The following TBRG4 variants were observed in gnomAD, a reference collection of about 807,000 sequenced individuals.
TBRG4 encodes the protein transforming growth factor beta regulator 4.
Under a neutral mutation model 65.6 loss-of-function variants are expected in TBRG4, and 43 were observed. The ratio of observed to expected loss-of-function variants is 0.66; its 90% CI spans 0.51 to 0.85. The LOEUF is 0.85. TBRG4 is among the 40% of genes least tolerant of loss of function. The pLI, the probability that TBRG4 is intolerant of heterozygous loss-of-function variation, is 0.00. For synonymous variants in TBRG4, 366 were observed against 341.4 expected (o/e 1.07, Z -0.79); for missense variants, 709 against 787.9 (o/e 0.90, Z 1.20).
At chr7:45,105,192 C>A (rs2128645474) in intron 3 of TBRG4, 1 of 613,410 alleles carries the variant, frequency 1.6e-6, no homozygotes, top group Non-Finnish European at 2.9e-6. Flanking sequence ...GATAAAGGTG[C>A]AATCAGGGAA....
In TBRG4 at chr7:45,111,674, C is replaced by G. The variant is rs1453518626; in HGVS notation, c.-82G>C. On this transcript the variant is annotated 5_prime_UTR_variant, in exon 1 of 11. Transcript: ENST00000258770. ...AGCACCACCGCTGACCTCCATCCGC[C>G]GCCCTAACTGTCCCCGGAACCATGA... 2 of 1,289,476 alleles carry G rather than the reference C, an allele frequency of 1.6e-6. No individual in the cohort carries two copies. Among genetic ancestry groups the G allele is most frequent in the Middle Eastern group, 2.1e-4 (1 of 4,696 alleles). 79.9% of individuals were successfully genotyped at this position (1,289,476 alleles called of 1,614,324 possible).
chr7:45,111,444 C>G, intron 1 of TBRG4, 199 bp downstream of exon 1: 3 of 493,246 alleles, frequency 6.1e-6, no homozygotes, highest in Non-Finnish European at 9.4e-6. Flanking sequence ...TCTTCCAGGC[C>G]TGGCCGCGCG....
Position 45,109,257 on chromosome 7 carries a change from A to G in TBRG4, c.-20T>C, listed in dbSNP as rs1412352521. ...TGCCATGATGTCCTGGGTGGCAGAGAGACAAGACTCCTAGCAAGTGATTCC... is the reference window on the plus strand; with the variant it reads ...TGCCATGATGTCCTGGGTGGCAGAGGGACAAGACTCCTAGCAAGTGATTCC... On this transcript the variant is annotated 5_prime_UTR_variant, in exon 2 of 11. Transcript: ENST00000258770. 1.3e-6 allele frequency: 2 copies of G among 1,554,696 alleles called. No homozygotes were observed. Among genetic ancestry groups the G allele is most frequent in the African/African-American group, 2.7e-5 (2 of 72,940 alleles).
At chr7:45,109,434 A>G in intron 1 of TBRG4, 147 bp from the exon 2 acceptor site, 2 of 659,634 alleles carry the variant, frequency 3.0e-6, no homozygotes, top group Non-Finnish European at 4.5e-6. Context: ...AGTATTTTCT[A>G]AAGCAAAAGT....
In TBRG4 at chr7:45,103,402, C is replaced by T. The variant is rs1460579552; in HGVS notation, c.1107G>A (p.Leu369=). 1 of 1,614,014 alleles carries T rather than the reference C, an allele frequency of 6.2e-7. No individual in the cohort carries two copies. The highest frequency in any genetic ancestry group is 1.7e-5 in the Admixed American group (1 of 60,026). ...GCGCAAAAGCCAGAAGTACGCTGCACAGGTGGGGCAGGGTGATGTCCTGCG... is the reference window on the plus strand; with the variant it reads ...GCGCAAAAGCCAGAAGTACGCTGCATAGGTGGGGCAGGGTGATGTCCTGCG... The part of the protein sequence containing the change: ...NRAQDITLPH[L]CSVLLAFARL... The change falls in exon 6 of 11, where the codon CTG becomes CTA. Residue 369 remains leucine, a synonymous_variant. Coordinates refer to ENST00000258770, the MANE Select transcript of TBRG4 (RefSeq NM_004749.4).
intron 3 of TBRG4, chr7:45,105,080 A>C: frequency 1.5e-6 from 1 of 683,770 alleles, no homozygotes; most frequent in East Asian, 3.0e-5. Context: ...TCTCCAGGAG[A>C]GTTCTAGCCA....
Position 45,103,665 on chromosome 7 carries a change from A to T in TBRG4, c.1066-222T>A, listed in dbSNP as rs1280443492. 13 of 568,360 alleles carry T rather than the reference A, an allele frequency of 2.3e-5. No homozygotes were observed. In the East Asian group the frequency reaches 3.7e-4, roughly 16 times the overall value. 35.2% of individuals were successfully genotyped at this position (568,360 alleles called of 1,614,324 possible). ...ACCCACAGAGGCTGGGGACACCTAG[A>T]AGCTGCTTCTTTCTGATAAGGGATT... On this transcript the variant is annotated intron_variant, in intron 5 of 10. Transcript: ENST00000258770.
chr7:45,102,555 G>C, intron 6 of TBRG4, 64 bp from the exon 7 acceptor site: 1 of 1,567,232 alleles, frequency 6.4e-7, no homozygotes, highest in Non-Finnish European at 8.6e-7. Context: ...ATAGCCATGG[G>C]TGAGACACAA....
At position 45,100,235 on chromosome 7, in the gene TBRG4, AC is replaced by A; in HGVS notation, c.*89del. The A allele has an allele frequency of 9.3e-7, 1 of 1,079,722 alleles. No homozygotes were observed. The highest frequency in any genetic ancestry group is 1.3e-6 in the Non-Finnish European group (1 of 741,178). 66.9% of individuals were successfully genotyped at this position (1,079,722 alleles called of 1,614,324 possible). On this transcript the variant is annotated 3_prime_UTR_variant, in exon 11 of 11. Transcript: ENST00000258770. ...CTCCCCACTCTGGCCAAGGTCCTGC[AC>A]AGAGGTTTGTCCTCAAGGGTGACCC...
In TBRG4 at chr7:45,100,205, C is replaced by T; in HGVS notation, c.*120G>A. ...ACGTTCTGTCCCTCAGAGTGGCTGG[C>T]CACCCTCCCCACTCTGGCCAAGGTC... On this transcript the variant is annotated 3_prime_UTR_variant, in exon 11 of 11. Coordinates refer to ENST00000258770, the MANE Select transcript of TBRG4 (RefSeq NM_004749.4). 1.4e-6 allele frequency: 1 copy of T among 735,552 alleles called. No individual in the cohort carries two copies. The allele number at this position is 735,552 out of a possible 1,614,324, so 45.6% of individuals were successfully genotyped here.
At chr7:45,110,133 TAAG>T (rs1785084273) in intron 1 of TBRG4, among the ~76,000 whole-genome samples, 1 of 152,126 alleles carries the variant, frequency 6.6e-6, no homozygotes, top group Admixed American at 6.5e-5. Context: ...GAACCAATAA[TAAG>T]AAGCACTTCA....
intron 5 of TBRG4, 121 bp downstream of exon 5, chr7:45,103,978 A>T (rs1217722099): frequency 1.5e-6 from 2 of 1,317,460 alleles, no homozygotes; most frequent in Non-Finnish European, 2.0e-6. Context: ...TGCAAGAAAT[A>T]TGTATTTGCC....
chr7:45,103,158 G>A, intron 6 of TBRG4, 175 bp downstream of exon 6: 1 of 629,398 alleles, frequency 1.6e-6, no homozygotes, highest in South Asian at 1.9e-5. Flanking sequence ...GATTTCATGT[G>A]TTCTCAGTAA....
intron 3 of TBRG4, 40 bp downstream of exon 3, chr7:45,105,399 AGG>A: frequency 1.3e-6 from 2 of 1,556,056 alleles, no homozygotes; most frequent in Non-Finnish European, 1.7e-6. Context: ...CCCAAAGCCC[AGG>A]GGAGGCAGGC....
intron 9 of TBRG4, 52 bp downstream of exon 9, chr7:45,101,451 G>A (rs559701566): frequency 3.7e-6 from 6 of 1,603,338 alleles, no homozygotes; most frequent in African/African-American, 2.7e-5. Flanking sequence ...CAAAGAATAT[G>A]CAGTCCAACA....
chr7:45,105,879 A>C, intron 2 of TBRG4, 115 bp from the exon 3 acceptor site: 1 of 1,218,758 alleles, frequency 8.2e-7, no homozygotes, highest in East Asian at 2.3e-5. Flanking sequence ...TCTTCAGAGA[A>C]GACAGTATCA....
intron 2 of TBRG4, 141 bp from the exon 3 acceptor site, chr7:45,105,905 G>T: frequency 1.8e-6 from 2 of 1,092,178 alleles, no homozygotes; most frequent in South Asian, 1.3e-5. Flanking sequence ...CCACTCCATT[G>T]TAACAGGGCC....
intron 4 of TBRG4, 48 bp downstream of exon 4, chr7:45,104,490 G>A (rs1784873381): frequency 1.2e-6 from 2 of 1,613,162 alleles, no homozygotes; most frequent in Non-Finnish European, 1.7e-6. Flanking sequence ...GCAGGCATCT[G>A]CAGGGCCAGC....
intron 8 of TBRG4, 21 bp from the exon 9 acceptor site, chr7:45,101,635 G>A: frequency 6.2e-7 from 1 of 1,611,040 alleles, no homozygotes. Context: ...GGTGTGGGAT[G>A]AGAACATGTT....
Sources: allele counts gnomAD v4.1 joint callset (sites outside exome capture counted in the v4.1 genomes callset), GRCh38; gene constraint gnomAD v4.1.1; transcripts MANE v1.5; gene names NCBI Gene and HGNC (gene_info 2026-07-23, HGNC 2026-07-21).